MRI1: variants seen among roughly 807,000 people sequenced by gnomAD.
The protein encoded by MRI1 is methylthioribose-1-phosphate isomerase.
MRI1 carries 32 observed loss-of-function variants against 27.3 expected under a neutral mutation model. The observed-to-expected ratio is 1.17, with a 90% CI of 0.88 to 1.57. The LOEUF (loss-of-function observed/expected upper bound fraction) is 1.57. Ranked by LOEUF, MRI1 falls within the 40% of genes most tolerant of loss-of-function variation. MRI1 has a pLI of 0.00. For synonymous variants in MRI1, 216 were observed against 227.4 expected, an observed-to-expected ratio of 0.95 and a Z score of 0.45; for missense variants, 508 against 516.1, an observed-to-expected ratio of 0.98 and a Z score of 0.15.
chr19:13,768,406 G>C (rs1370996175), intron 3 of MRI1, 155 bp from the exon 4 acceptor site: 3 of 1,541,706 alleles, frequency 1.9e-6, no homozygotes, highest in Non-Finnish European at 2.6e-6. Context: ...ACCAGGCAGA[G>C]GGAACTGCCA....
chr19:13,766,754 C>T (rs1974132906), intron 3 of MRI1, among the ~76,000 whole-genome samples: 1 of 152,006 alleles, frequency 6.6e-6, no homozygotes, highest in Admixed American at 6.6e-5. Context: ...ACTCACCCAG[C>T]ATTTAGTAAG....
Position 13,768,733 on chromosome 19 carries a change from G to A in MRI1, c.720G>A (p.Val240=). The A allele has an allele frequency of 6.2e-7, 1 of 1,612,720 alleles. No individual in the cohort carries two copies. Among genetic ancestry groups the A allele is most frequent in the Non-Finnish European group, 8.5e-7 (1 of 1,179,278 alleles). Residue 240 remains valine (V), a synonymous_variant, in exon 4 of 6, where the codon GTG becomes GTA. Coordinates refer to ENST00000040663, the MANE Select transcript of MRI1 (RefSeq NM_001031727.4). ...MVAAAMAHRG[V]SAVVVGADRV... is the part of the protein sequence containing the mutation. ...CTGCTGCCATGGCCCATAGGGGCGT[G>A]TCAGGTAAGCAGACGGTAAGCCCTG... is the stretch of plus-strand genomic sequence containing the variant.
chr19:13,769,827 G>A (rs952277585), intron 5 of MRI1, among the ~76,000 whole-genome samples: 1 of 151,912 alleles, frequency 6.6e-6, no homozygotes, highest in African/African-American at 2.4e-5. Flanking sequence ...GGCTGAGGGA[G>A]GAGAATCACT....
At chr19:13,766,469 C>G (rs1974127289) in intron 3 of MRI1, among the ~76,000 whole-genome samples, 1 of 152,124 alleles carries the variant, frequency 6.6e-6, no homozygotes, top group Non-Finnish European at 1.5e-5. Flanking sequence ...GGGCACCTGC[C>G]CATCCCAGAG....
At chr19:13,765,816 G>A (rs1173752238) in intron 2 of MRI1, 138 bp from the exon 3 acceptor site, 1 of 916,044 alleles carries the variant, frequency 1.1e-6, no homozygotes, top group Non-Finnish European at 1.6e-6. Context: ...CGGTGGCCCT[G>A]GCCGAAGGGT....
At chr19:13,771,429 G>A (rs1158719104) in intron 5 of MRI1, among the ~76,000 whole-genome samples, 1 of 152,096 alleles carries the variant, frequency 6.6e-6, no homozygotes, top group Non-Finnish European at 1.5e-5. Flanking sequence ...TGCTCAGGAG[G>A]CTGCAGCAGG....
chr19:13,766,496 C>T (rs1415956663), intron 3 of MRI1, among the ~76,000 whole-genome samples: 1 of 152,136 alleles, frequency 6.6e-6, no homozygotes, highest in African/African-American at 2.4e-5. Context: ...TTCGATGGGC[C>T]CCGCCTGAGC....
chr19:13,766,152 T>A, intron 3 of MRI1, 23 bp downstream of exon 3: 2 of 1,501,898 alleles, frequency 1.3e-6, no homozygotes, highest in East Asian at 4.8e-5. Context: ...CCTCAGGGGG[T>A]AGGGGAGGGC....
chr19:13,769,113 G>A lies in MRI1; in HGVS notation c.949+65G>A, dbSNP rs575561533. ...GGCACTTCATGGAGGCAGGTGATATGCAGGTCCTTGTCATCCTTCTGGAAC... is the reference window on the plus strand; with the variant it reads ...GGCACTTCATGGAGGCAGGTGATATACAGGTCCTTGTCATCCTTCTGGAAC... On this transcript the variant is annotated intron_variant, in intron 5 of 5. Coordinates refer to ENST00000040663, the MANE Select transcript of MRI1 (RefSeq NM_001031727.4). 215 of 1,338,892 alleles carry A rather than the reference G, an allele frequency of 1.6e-4. 3 individuals carry two copies. In the South Asian group the frequency reaches 2.7e-3, roughly 17 times the overall value. 82.9% of individuals were successfully genotyped at this position (1,338,892 alleles called of 1,614,324 possible). A position where few individuals can be genotyped will look rare whatever the true frequency, so the allele number is the denominator to read the frequency against.
In MRI1 at chr19:13,764,666, C is replaced by T. The variant is rs527292956; in HGVS notation, c.78C>T (p.Arg26=). The T allele has an allele frequency of 2.5e-6, 4 of 1,600,302 alleles. No homozygotes were observed. In the South Asian group the frequency reaches 3.3e-5, roughly 13 times the overall value. ...LDQLLLPKQS[R]YEAVGSVHQA... ...AGCTGCTGCTGCCCAAGCAGAGCCG[C>T]TACGAGGCGGTGGGCTCGGTGCACC... Residue 26 remains arginine (R), a synonymous_variant, in exon 1 of 6, where the codon CGC becomes CGT. Coordinates refer to ENST00000040663, the MANE Select transcript of MRI1 (RefSeq NM_001031727.4).
chr19:13,772,196 G>A lies in MRI1; in HGVS notation c.1025G>A (p.Gly342Glu), dbSNP rs1484307442. The change falls in exon 6 of 6, where the codon GGG becomes GAG. Residue 342 changes from glycine to glutamate, a missense_variant. Gly to Glu is a moderately conservative substitution (Grantham distance 98). This residue lies in a region of MRI1 where 457 missense variants were observed against 452.8 expected (regional missense o/e 1.01). Transcript: ENST00000040663. ...LITGGIITEL[G>E]VFAPEELRTA... is the part of the protein sequence containing the mutation. ...ACTGGTGGCATCATCACAGAACTGG[G>A]GGTCTTTGCCCCTGAGGAGCTCCGG... 6.2e-7 allele frequency: 1 copy of A among 1,613,920 alleles called. No homozygotes were observed. Among genetic ancestry groups the A allele is most frequent in the African/African-American group, 1.3e-5 (1 of 74,888 alleles).
Position 13,764,973 on chromosome 19 carries a change from G to T in MRI1, c.235G>T (p.Val79Leu), listed in dbSNP as rs966224071. The T allele has an allele frequency of 2.6e-6, 4 of 1,517,342 alleles. No homozygotes were observed. The highest frequency in any genetic ancestry group is 3.5e-6 in the Non-Finnish European group (4 of 1,138,966). 94.0% of individuals were successfully genotyped at this position (1,517,342 alleles called of 1,614,324 possible). A position where few individuals can be genotyped will look rare whatever the true frequency, so the allele number is the denominator to read the frequency against. ...GPGLAALVAF[V>L]RDKLSFLVTA... ...GGGACTCGCCGCGCTCGTGGCCTTC[G>T]TGCGCGACAAGCTGAGCTTCCTCGT... is the stretch of plus-strand genomic sequence containing the variant. The change falls in exon 2 of 6, where the codon GTG becomes TTG. Residue 79 changes from valine to leucine, a missense_variant. By Grantham distance (32) the Val-to-Leu change is conservative. This residue lies in a region of MRI1 where 457 missense variants were observed against 452.8 expected (regional missense o/e 1.01). Coordinates refer to ENST00000040663, the MANE Select transcript of MRI1 (RefSeq NM_001031727.4).
At chr19:13,769,366 G>A (rs561891977) in intron 5 of MRI1, among the ~76,000 whole-genome samples, 1 of 152,088 alleles carries the variant, frequency 6.6e-6, no homozygotes, top group East Asian at 2.0e-4. Flanking sequence ...GTTTCAACAT[G>A]TGGACCAGGC....
chr19:13,772,430 G>C lies in MRI1; in HGVS notation c.*149G>C, dbSNP rs1974288445. On this transcript the variant is annotated 3_prime_UTR_variant, in exon 6 of 6. Coordinates refer to ENST00000040663, the MANE Select transcript of MRI1 (RefSeq NM_001031727.4). ...CCTTCCATCTAGAGCCCAGCACCTA[G>C]AGCCAGGCTGCCCAGATTCAAATCC... 1.5e-6 allele frequency: 1 copy of C among 688,454 alleles called. No individual in the cohort carries two copies. Among genetic ancestry groups the C allele is most frequent in the Admixed American group, 3.3e-5 (1 of 30,544 alleles). 42.6% of individuals were successfully genotyped at this position (688,454 alleles called of 1,614,324 possible). A position where few individuals can be genotyped will look rare whatever the true frequency, so the allele number is the denominator to read the frequency against.
At chr19:13,770,318 C>T (rs1449202949) in intron 5 of MRI1, among the ~76,000 whole-genome samples, 1 of 152,214 alleles carries the variant, frequency 6.6e-6, no homozygotes, top group Non-Finnish European at 1.5e-5. Flanking sequence ...GATGCCGTGG[C>T]TCACGCCTAT....
chr19:13,767,221 A>G (rs1974156952), intron 3 of MRI1, among the ~76,000 whole-genome samples: 1 of 150,792 alleles, frequency 6.6e-6, no homozygotes, highest in Non-Finnish European at 1.5e-5. Context: ...TAATTTTTAT[A>G]TTTTTAGTAG....
At position 13,766,056 on chromosome 19, in the gene MRI1, C is replaced by A. The variant is rs143669512; in HGVS notation, c.474C>A (p.Ser158Arg). 10 of 1,612,814 alleles carry A rather than the reference C, an allele frequency of 6.2e-6. No individual in the cohort carries two copies. In the East Asian group the frequency reaches 2.2e-4, roughly 36 times the overall value. ...ARHLLERVAP[S>R]GGKVTVLTHC... Reference sequence around the variant, plus strand: ...ACCTCCTGGAGCGGGTGGCCCCCAGCGGTGGCAAGGTGACTGTGCTGACCC... The same window carrying A: ...ACCTCCTGGAGCGGGTGGCCCCCAGAGGTGGCAAGGTGACTGTGCTGACCC... The change falls in exon 3 of 6, where the codon AGC (serine) becomes AGA (arginine). Residue 158 changes from serine (S) to arginine (R), a missense_variant. By Grantham distance (110) the Ser-to-Arg change is moderately radical. Around this residue, in one of 3 missense-constraint regions of MRI1, gnomAD observed 457 missense variants for 452.8 expected, o/e 1.01. Coordinates refer to ENST00000040663, the MANE Select transcript of MRI1 (RefSeq NM_001031727.4).
In MRI1 at chr19:13,773,983, A is replaced by C. The variant is rs1974327493; in HGVS notation, c.*1702A>C. ...AATTTTGAAGAGGCTAGAACCCCGC[A>C]CTTGTGCCTTGAGCTTACTGACCTC... is the stretch of plus-strand genomic sequence containing the variant. On this transcript the variant is annotated 3_prime_UTR_variant, in exon 6 of 6. Coordinates refer to ENST00000040663, the MANE Select transcript of MRI1 (RefSeq NM_001031727.4). 6.4e-6 allele frequency: 1 copy of C among 155,828 alleles called. No individual in the cohort carries two copies. Among genetic ancestry groups the C allele is most frequent in the South Asian group, 1.9e-4 (1 of 5,334 alleles). 9.7% of individuals were successfully genotyped at this position (155,828 alleles called of 1,614,324 possible).
Position 13,765,066 on chromosome 19 carries a change from G to T in MRI1, c.328G>T (p.Glu110Ter), listed in dbSNP as rs1405782154. 3 of 1,525,638 alleles carry T rather than the reference G, an allele frequency of 2.0e-6. No individual in the cohort carries two copies. The highest frequency in any genetic ancestry group is 1.8e-6 in the Non-Finnish European group (2 of 1,141,592). 94.5% of individuals were successfully genotyped at this position (1,525,638 alleles called of 1,614,324 possible). Residue 110 changes from glutamate to a stop codon, truncating the protein, a stop_gained, in exon 2 of 6, where the codon GAG (glutamate) becomes TAG (stop). Coordinates refer to ENST00000040663, the MANE Select transcript of MRI1 (RefSeq NM_001031727.4). LOFTEE classifies it high-confidence loss of function. ...ARDLADVAAREAEREGATEEA... is the reference protein window; with the variant it reads ...ARDLADVAAR ...CGACCTGGCTGATGTTGCAGCCCGG[G>T]AGGCCGAACGGGAGGGCGCTACGGA...
Sources: allele counts gnomAD v4.1 joint callset (sites outside exome capture counted in the v4.1 genomes callset), GRCh38; gene constraint gnomAD v4.1.1; regional missense constraint gnomAD v4.1.1; transcripts MANE v1.5; gene names NCBI Gene and HGNC (gene_info 2026-07-23, HGNC 2026-07-21).